Variants in TRAK1 observed in about 807,000 individuals in gnomAD.
The protein encoded by TRAK1 is trafficking kinesin protein 1, also known as trafficking kinesin-binding protein 1.
In TRAK1, 33 loss-of-function variants were observed where a neutral mutation model predicts 92.1. The ratio of observed to expected loss-of-function variants is 0.36; its 90% CI spans 0.27 to 0.48. TRAK1 has a LOEUF of 0.48. Among genes scored for constraint, TRAK1 ranks in the 20% least tolerant of loss-of-function variants. The probability of loss-of-function intolerance (pLI) is 0.99; values close to 1 mark genes in which losing one functional copy is unlikely to be tolerated. For synonymous variants in TRAK1, 521 were observed against 517.3 expected, an observed-to-expected ratio of 1.01 and a Z score of -0.10; for missense variants, 1,123 against 1,257.9, an observed-to-expected ratio of 0.89 and a Z score of 1.62.
intron 3 of TRAK1, among the ~76,000 whole-genome samples, chr3:42,177,795 C>T (rs182752429): frequency 6.9e-4 from 105 of 152,282 alleles, no homozygotes; most frequent in African/African-American, 2.1e-3. Context: ...ATGTCTCTAC[C>T]GCTGCACATC....
In TRAK1 at chr3:42,209,974, C is replaced by T. The variant is rs751570875; in HGVS notation, c.1952C>T (p.Pro651Leu). 3.1e-6 allele frequency: 5 copies of T among 1,614,200 alleles called. No homozygotes were observed. In the Admixed American group the frequency reaches 6.7e-5, roughly 22 times the overall value. The change falls in exon 14 of 16, where the codon CCA (proline) becomes CTA (leucine). Residue 651 changes from proline (P) to leucine (L), a missense_variant. Transcript: ENST00000327628. ...GCTACCTCCACTCCAGTTCAGCACC[C>T]AGAGACCTCAGGTGAGAGGTCCCAA... The part of the protein sequence containing the change: ...RLATSTPVQH[P>L]ETSAHHPGKC...
At chr3:42,055,386 A>G (rs1703159790) in intron 1 of TRAK1, among the ~76,000 whole-genome samples, 1 of 152,348 alleles carries the variant, frequency 6.6e-6, no homozygotes, top group South Asian at 2.1e-4. Context: ...TATGATTAAC[A>G]TACCATTCAG....
At position 42,115,198 on chromosome 3, in the gene TRAK1, A is replaced by G. The variant is rs545712576; in HGVS notation, c.92-10222A>G. Among the ~76,000 whole-genome samples the G allele has an allele frequency of 3.3e-5, 5 of 152,228 alleles. No homozygotes were observed. The East Asian group carries it at 7.7e-4, about 23-fold the overall frequency. ...CACGTTTAAAATAAATTTGTGTACA[A>G]TTTTTGCTTTGTGTTTTAATATTAG... On this transcript the variant is annotated intron_variant, in intron 1 of 15. Coordinates refer to ENST00000327628, the MANE Select transcript of TRAK1 (RefSeq NM_001042646.3).
At chr3:42,071,466 GGGA>G in intron 1 of TRAK1, among the ~76,000 whole-genome samples, 1 of 152,216 alleles carries the variant, frequency 6.6e-6, no homozygotes, top group African/African-American at 2.4e-5. Context: ...CCAGCACTTT[GGGA>G]GGCTGAGGTG....
chr3:42,112,701 A>T (rs147911493), intron 1 of TRAK1, among the ~76,000 whole-genome samples: 3,817 of 142,054 alleles, frequency 0.027, 204 homozygotes, highest in African/African-American at 0.096. Flanking sequence ...ATGCCACTGC[A>T]CTCTAGCCTG....
At chr3:42,032,789 G>A (rs1051100488) in intron 1 of TRAK1, among the ~76,000 whole-genome samples, 1 of 152,144 alleles carries the variant, frequency 6.6e-6, no homozygotes, top group Non-Finnish European at 1.5e-5. Context: ...CAGGCATAGC[G>A]GTGCGTGCCT....
rs753134835 is a variant in TRAK1 at position 42,210,288 on chromosome 3, T to A, written c.1963+303T>A. Reference sequence around the variant, plus strand: ...AAAGCATTCTCATTGCACAGTTCTGTTTTTAAATACAGAGTCTGATGCCTC... The same window carrying A: ...AAAGCATTCTCATTGCACAGTTCTGATTTTAAATACAGAGTCTGATGCCTC... On this transcript the variant is annotated intron_variant, in intron 14 of 15. Coordinates refer to ENST00000327628, the MANE Select transcript of TRAK1 (RefSeq NM_001042646.3). The A allele has an allele frequency of 3.3e-6, 5 of 1,515,772 alleles. No individual in the cohort carries two copies. In the South Asian group the frequency reaches 6.8e-5, roughly 20 times the overall value. 93.9% of individuals were successfully genotyped at this position (1,515,772 alleles called of 1,614,324 possible).
chr3:42,043,579 A>T (rs1027098221), intron 1 of TRAK1, among the ~76,000 whole-genome samples: 1 of 148,906 alleles, frequency 6.7e-6, no homozygotes, highest in Non-Finnish European at 1.5e-5. Context: ...GTGTTTTTCC[A>T]GCTCCAGACC....
intron 4 of TRAK1, 84 bp downstream of exon 4, chr3:42,184,885 G>T: frequency 7.5e-7 from 1 of 1,340,450 alleles, no homozygotes; most frequent in South Asian, 1.2e-5. Context: ...ATGAGAGAAT[G>T]GAGTCCTAGT....
intron 1 of TRAK1, among the ~76,000 whole-genome samples, chr3:42,116,709 C>T (rs900128154): frequency 1.3e-5 from 2 of 152,102 alleles, no homozygotes; most frequent in South Asian, 2.1e-4. Context: ...CTAGCCAGAG[C>T]GCCTGCCTCC....
chr3:42,114,745 C>T (rs1193616668), intron 1 of TRAK1, among the ~76,000 whole-genome samples: 1 of 152,006 alleles, frequency 6.6e-6, no homozygotes, highest in Non-Finnish European at 1.5e-5. Flanking sequence ...CAGAGTCTCC[C>T]TCTGTTGCCC....
intron 2 of TRAK1, among the ~76,000 whole-genome samples, chr3:42,164,331 C>T (rs1429529151): frequency 2.0e-5 from 3 of 152,230 alleles, no homozygotes; most frequent in Admixed American, 6.5e-5. Flanking sequence ...CTGATAGTTA[C>T]AGATACAGGA....
chr3:42,119,867 C>T (rs1295903346), intron 1 of TRAK1, among the ~76,000 whole-genome samples: 4 of 152,120 alleles, frequency 2.6e-5, no homozygotes, highest in Admixed American at 2.6e-4. Context: ...TCAGTAGCCT[C>T]TCCTGTAGAA....
At chr3:42,163,803 CTGTT>C (rs1167369332) in intron 2 of TRAK1, among the ~76,000 whole-genome samples, 1 of 152,150 alleles carries the variant, frequency 6.6e-6, no homozygotes, top group Non-Finnish European at 1.5e-5. Context: ...TAATTACTGT[CTGTT>C]CTCTCCTTCT....
intron 2 of TRAK1, among the ~76,000 whole-genome samples, chr3:42,134,711 T>C: frequency 1.3e-5 from 2 of 150,874 alleles, no homozygotes; most frequent in Non-Finnish European, 3.0e-5. Context: ...CTCAGTCTCC[T>C]GAGTAGCTGG....
In TRAK1 at chr3:42,202,912, C is replaced by T. The variant is rs1258942673; in HGVS notation, c.1744+160C>T. On this transcript the variant is annotated intron_variant, in intron 13 of 15. Transcript: ENST00000327628. This position sits in a 1 kb window ranked among gnomAD's most constrained non-coding sequence, Gnocchi z 6.1. ...TTTGAGTTCCTCTGAGGGTGGTGCT[C>T]AGCCTAGGCCTCCGTCCCTCCCCTC... 3 of 1,424,540 alleles carry T rather than the reference C, an allele frequency of 2.1e-6. No homozygotes were observed. The highest frequency in any genetic ancestry group is 2.9e-5 in the African/African-American group (2 of 69,716). The allele number at this position is 1,424,540 out of a possible 1,614,324, so 88.2% of individuals were successfully genotyped here. A position where few individuals can be genotyped will look rare whatever the true frequency, so the allele number is the denominator to read the frequency against.
chr3:42,071,345 T>A (rs1703923103), intron 1 of TRAK1, among the ~76,000 whole-genome samples: 1 of 152,142 alleles, frequency 6.6e-6, no homozygotes, highest in Non-Finnish European at 1.5e-5. Context: ...TTTGGGTGGA[T>A]AAGGTTCATT....
At chr3:42,219,696 C>T in intron 15 of TRAK1, 100 bp downstream of exon 15, 1 of 1,298,808 alleles carries the variant, frequency 7.7e-7, no homozygotes, top group Non-Finnish European at 1.1e-6. Context: ...TAGAGAGGCT[C>T]ATAGAAAAAC....
intron 13 of TRAK1, chr3:42,203,061 G>A: frequency 8.1e-7 from 1 of 1,238,568 alleles, no homozygotes; most frequent in South Asian, 4.1e-5. Context: ...AAACTTTTGT[G>A]GCGGTAGAGG....
Sources: gnomAD v4.1 joint callset for allele counts (sites outside exome capture counted in the v4.1 genomes callset) on GRCh38, gnomAD v4.1.1 for gene constraint, Gnocchi (gnomAD v3.1) non-coding constraint, MANE v1.5 for transcripts, NCBI Gene and HGNC (gene_info 2026-07-23, HGNC 2026-07-21) for gene names.